The following WNT3A variants were observed in gnomAD, a reference collection of about 807,000 sequenced individuals.
The protein encoded by WNT3A is Wnt family member 3A.
Under a neutral mutation model 37.0 loss-of-function variants are expected in WNT3A, and 17 were observed. The ratio of observed to expected loss-of-function variants is 0.46; its 90% CI spans 0.31 to 0.69. WNT3A has a LOEUF of 0.69. Ranked by LOEUF, WNT3A falls within the 30% of genes least tolerant of loss-of-function variation. The pLI is 0.05. For synonymous variants in WNT3A, 187 were observed against 211.0 expected, an observed-to-expected ratio of 0.89 and a Z score of 0.99; for missense variants, 411 against 510.2, an observed-to-expected ratio of 0.81 and a Z score of 1.87.
At chr1:228,028,374 A>G (rs1203424655) in intron 2 of WNT3A, among the ~76,000 whole-genome samples, 1 of 148,976 alleles carries the variant, frequency 6.7e-6, no homozygotes, top group East Asian at 2.0e-4. Flanking sequence ...GCTCACTGCA[A>G]CCTCTGCCTC....
chr1:228,033,345 G>A (rs867464422), intron 2 of WNT3A, among the ~76,000 whole-genome samples: 6 of 151,600 alleles, frequency 4.0e-5, no homozygotes, highest in East Asian at 1.9e-4. Flanking sequence ...AATTTTCATC[G>A]ACGATGTGAG....
Position 228,031,160 on chromosome 1 carries a change from G to A in WNT3A, c.313+8252G>A, listed in dbSNP as rs1317188709. 3.3e-5 allele frequency among the ~76,000 whole-genome samples: 5 copies of A among 152,232 alleles called. No individual in the cohort carries two copies. Among genetic ancestry groups the A allele is most frequent in the Admixed American group, 1.3e-4 (2 of 15,292 alleles). On this transcript the variant is annotated intron_variant, in intron 2 of 3. Coordinates refer to ENST00000284523, the MANE Select transcript of WNT3A (RefSeq NM_033131.4). This position sits in a 1 kb window ranked among gnomAD's most constrained non-coding sequence, Gnocchi z 4.8. The stretch of plus-strand genomic sequence containing the variant: ...ACCGTGGGGCAGAGAGTGGGGACCC[G>A]AGGGTCAGGCTCAGAGTCCGGGCAC...
intron 1 of WNT3A, among the ~76,000 whole-genome samples, chr1:228,020,153 G>C (rs1024710789): frequency 6.6e-6 from 1 of 152,206 alleles, no homozygotes; most frequent in Non-Finnish European, 1.5e-5. Flanking sequence ...GAGCCAAGAG[G>C]GGGAGGTTGC....
intron 2 of WNT3A, among the ~76,000 whole-genome samples, chr1:228,044,494 C>A (rs1282545979): frequency 1.3e-5 from 2 of 152,128 alleles, no homozygotes; most frequent in African/African-American, 4.8e-5. Flanking sequence ...CTGAGGAGCA[C>A]AATTAGGCAT....
rs148807916 is a variant in WNT3A, at chr1:228,051,274, C to T, written c.579+353C>T. Among the ~76,000 whole-genome samples the T allele has an allele frequency of 1.2e-3, 182 of 152,048 alleles. 1 individual carries two copies. The Middle Eastern group carries it at 0.017, about 14-fold the overall frequency. ...GGAAATGCAGGCACACAAGGTGACC[C>T]GATGTCAAGGACAGCTGGCAGTAAT... On this transcript the variant is annotated intron_variant, in intron 3 of 3. Transcript: ENST00000284523.
At chr1:228,032,412 T>G (rs2102769717) in intron 2 of WNT3A, among the ~76,000 whole-genome samples, 1 of 152,280 alleles carries the variant, frequency 6.6e-6, no homozygotes, top group East Asian at 1.9e-4. Flanking sequence ...AGTCGGTGAA[T>G]AGCACTGGGT....
At chr1:228,045,857 G>A (rs956543493) in intron 2 of WNT3A, among the ~76,000 whole-genome samples, 1 of 152,210 alleles carries the variant, frequency 6.6e-6, no homozygotes, top group Admixed American at 6.5e-5. Flanking sequence ...CTCAGCCCAC[G>A]GCTCCTGCCT....
intron 2 of WNT3A, among the ~76,000 whole-genome samples, chr1:228,027,629 T>C (rs1171622018): frequency 4.6e-5 from 7 of 152,222 alleles, no homozygotes; most frequent in Non-Finnish European, 1.0e-4. Flanking sequence ...ATTATTTGTT[T>C]TTTCTTGCTG....
At position 228,050,398 on chromosome 1, in the gene WNT3A, C is replaced by T. The variant is rs556579365; in HGVS notation, c.314-258C>T. The stretch of plus-strand genomic sequence containing the variant: ...TTCTGTCACCATGTAATTTCTTGCA[C>T]ACACTGGTTCCCCTTTACGCCCCCT... On this transcript the variant is annotated intron_variant, in intron 2 of 3. Transcript: ENST00000284523. This position sits in a 1 kb window ranked among gnomAD's most constrained non-coding sequence, Gnocchi z 5.0. 1.9e-3 allele frequency among the ~76,000 whole-genome samples: 287 copies of T among 152,306 alleles called. No homozygotes were observed. Among genetic ancestry groups the T allele is most frequent in the African/African-American group, 6.6e-3 (273 of 41,564 alleles).
intron 1 of WNT3A, among the ~76,000 whole-genome samples, chr1:228,013,224 T>C (rs1014122375): frequency 6.6e-6 from 1 of 152,112 alleles, no homozygotes; most frequent in Admixed American, 6.5e-5. Context: ...GTATTTTTCA[T>C]TTTTTGTTGA....
chr1:228,057,393 T>C (rs2031703395), intron 3 of WNT3A, among the ~76,000 whole-genome samples: 1 of 152,332 alleles, frequency 6.6e-6, no homozygotes, highest in Admixed American at 6.5e-5. Context: ...AACAGAGTTG[T>C]AGACATTGCA....
rs770598373 is a variant in WNT3A, at chr1:228,060,254, C to T, written c.*789C>T. On this transcript the variant is annotated 3_prime_UTR_variant, in exon 4 of 4. Coordinates refer to ENST00000284523, the MANE Select transcript of WNT3A (RefSeq NM_033131.4). ...AGCCCACCAGCCACCTCATCCCCAA[C>T]CCCCTGTAAGGTTCCATCCACCCCT... The T allele has an allele frequency of 1.2e-5, 16 of 1,351,656 alleles. No individual in the cohort carries two copies. The highest frequency in any genetic ancestry group is 4.4e-5 in the African/African-American group (3 of 67,712). 83.7% of individuals were successfully genotyped at this position (1,351,656 alleles called of 1,614,324 possible). A position where few individuals can be genotyped will look rare whatever the true frequency, so the allele number is the denominator to read the frequency against.
At chr1:228,048,158 A>G (rs894781862) in intron 2 of WNT3A, among the ~76,000 whole-genome samples, 3 of 152,184 alleles carry the variant, frequency 2.0e-5, no homozygotes, top group Non-Finnish European at 4.4e-5. Context: ...GCCTTGTCCC[A>G]TGGGAGGACC....
chr1:228,007,277 C>T lies in WNT3A; in HGVS notation c.71+78C>T. The T allele has an allele frequency of 6.9e-7, 1 of 1,445,880 alleles. No homozygotes were observed. The highest frequency in any genetic ancestry group is 1.3e-5 in the South Asian group (1 of 79,926). The allele number at this position is 1,445,880 out of a possible 1,614,324, so 89.6% of individuals were successfully genotyped here. On this transcript the variant is annotated intron_variant, in intron 1 of 3. Transcript: ENST00000284523. The surrounding 1 kb of genome is among the most constrained non-coding windows in gnomAD (Gnocchi z 6.0). ...AGACGGTCCCCTCGGGCAGGGACCC[C>T]GCGGTGGCCCGAGCCCGCGCCCTTC... is the stretch of plus-strand genomic sequence containing the variant.
chr1:228,044,154 G>T (rs1252031921), intron 2 of WNT3A, among the ~76,000 whole-genome samples: 1 of 152,036 alleles, frequency 6.6e-6, no homozygotes, highest in Non-Finnish European at 1.5e-5. Flanking sequence ...GCTCATTTAT[G>T]TTTGTTTGTT....
At chr1:228,045,015 A>C (rs1326892345) in intron 2 of WNT3A, among the ~76,000 whole-genome samples, 4 of 152,186 alleles carry the variant, frequency 2.6e-5, no homozygotes, top group Non-Finnish European at 5.9e-5. Context: ...GGAAGAGAAA[A>C]TCAAGGTTCA....
intron 1 of WNT3A, among the ~76,000 whole-genome samples, chr1:228,011,876 T>C (rs2030382434): frequency 6.6e-6 from 1 of 152,172 alleles, no homozygotes; most frequent in Non-Finnish European, 1.5e-5. Context: ...ACACGTCAAG[T>C]GTCTGCAACC....
chr1:228,052,552 A>G (rs1366650884), intron 3 of WNT3A, among the ~76,000 whole-genome samples: 1 of 152,210 alleles, frequency 6.6e-6, no homozygotes, highest in Non-Finnish European at 1.5e-5. Context: ...CAAGGGAGGA[A>G]AGATGGCTGA....
In WNT3A at chr1:228,007,253, G is replaced by A. The variant is rs1270732336; in HGVS notation, c.71+54G>A. On this transcript the variant is annotated intron_variant, in intron 1 of 3. Transcript: ENST00000284523. The surrounding 1 kb of genome is among the most constrained non-coding windows in gnomAD (Gnocchi z 6.0). ...GCCCCTGTGCGCCGCGCCCGCAGCA[G>A]ACGGTCCCCTCGGGCAGGGACCCCG... 6.4e-7 allele frequency: 1 copy of A among 1,551,330 alleles called. No individual in the cohort carries two copies. Among genetic ancestry groups the A allele is most frequent in the African/African-American group, 1.4e-5 (1 of 71,784 alleles).
Sources: allele counts gnomAD v4.1 joint callset (sites outside exome capture counted in the v4.1 genomes callset), GRCh38; gene constraint gnomAD v4.1.1; non-coding constraint Gnocchi (gnomAD v3.1); transcripts MANE v1.5; gene names NCBI Gene and HGNC (gene_info 2026-07-23, HGNC 2026-07-21).